Variants in ITGB3BP observed in about 807,000 individuals in gnomAD.
ITGB3BP encodes the protein integrin subunit beta 3 binding protein, also known as centromere protein R.
A neutral mutation model predicts 29.1 loss-of-function variants in ITGB3BP; 27 were observed. The observed-to-expected ratio is 0.93, with a 90% CI of 0.68 to 1.28. ITGB3BP has a LOEUF of 1.28. ITGB3BP is among the 50% of genes most tolerant of loss of function. ITGB3BP has a pLI of 0.00. For missense variants in ITGB3BP, 192 were observed against 200.2 expected, an observed-to-expected ratio of 0.96 and a Z score of 0.25; for synonymous variants, 61 against 61.4, an observed-to-expected ratio of 0.99 and a Z score of 0.03.
intron 1 of ITGB3BP, among the ~76,000 whole-genome samples, chr1:63,516,342 C>A (rs12130694): frequency 3.5e-4 from 18 of 51,900 alleles, no homozygotes; most frequent in Non-Finnish European, 4.2e-4. Flanking sequence ...GGAAGGGAAG[C>A]GGAGCGGGGG....
At chr1:63,521,879 C>G (rs1479371219) in intron 1 of ITGB3BP, among the ~76,000 whole-genome samples, 1 of 152,180 alleles carries the variant, frequency 6.6e-6, no homozygotes, top group Non-Finnish European at 1.5e-5. Context: ...ACTTGTTTGG[C>G]AAATACACCT....
chr1:63,448,542 T>C (rs1644820623), intron 7 of ITGB3BP, among the ~76,000 whole-genome samples: 1 of 152,078 alleles, frequency 6.6e-6, no homozygotes, highest in Non-Finnish European at 1.5e-5. Context: ...TAACTAGTTA[T>C]ATAATACTAT....
intron 4 of ITGB3BP, among the ~76,000 whole-genome samples, chr1:63,473,882 C>G (rs1351207816): frequency 8.2e-4 from 21 of 25,666 alleles, no homozygotes; most frequent in Non-Finnish European, 1.1e-3. Context: ...GAAGTGAGGA[C>G]CCCTCTGCCC....
At chr1:63,471,251 G>A (rs376841945) in intron 4 of ITGB3BP, among the ~76,000 whole-genome samples, 13 of 148,142 alleles carry the variant, frequency 8.8e-5, no homozygotes, top group African/African-American at 3.2e-4. Context: ...CCAAGGTCCA[G>A]TCCTCTAAAA....
upstream of ITGB3BP, among the ~76,000 whole-genome samples, chr1:63,525,332 T>A (rs550455467): frequency 7.0e-4 from 107 of 152,284 alleles, no homozygotes; most frequent in African/African-American, 2.5e-3. Context: ...TATCTAAAAT[T>A]AGAAATTAAC....
chr1:63,445,595 TAAGAA>T (rs1439528939), intron 8 of ITGB3BP, among the ~76,000 whole-genome samples: 7 of 151,594 alleles, frequency 4.6e-5, no homozygotes, highest in Non-Finnish European at 1.0e-4. Flanking sequence ...CCTGGTAAGC[TAAGAA>T]TTCTTTTTTT....
intron 3 of ITGB3BP, among the ~76,000 whole-genome samples, chr1:63,486,947 C>T (rs1645542445): frequency 6.6e-6 from 1 of 152,044 alleles, no homozygotes; most frequent in South Asian, 2.1e-4. Flanking sequence ...GAAATTATTA[C>T]AGTAGCACAG....
chr1:63,470,346 G>T (rs1286366240), intron 4 of ITGB3BP, among the ~76,000 whole-genome samples: 2 of 152,136 alleles, frequency 1.3e-5, no homozygotes, highest in Non-Finnish European at 2.9e-5. Context: ...TATTAGTATA[G>T]AAATAAAAGA....
intron 4 of ITGB3BP, among the ~76,000 whole-genome samples, chr1:63,465,970 G>T (rs906807810): frequency 6.6e-6 from 1 of 152,096 alleles, no homozygotes; most frequent in African/African-American, 2.4e-5. Context: ...AGAGTGGACA[G>T]AGTGGGCTGA....
intron 2 of ITGB3BP, among the ~76,000 whole-genome samples, chr1:63,502,993 T>C (rs1645977501): frequency 6.6e-6 from 1 of 152,220 alleles, no homozygotes; most frequent in Non-Finnish European, 1.5e-5. Context: ...TGTGTCTTTA[T>C]AGCAGCATGA....
Position 63,480,515 on chromosome 1 carries a change from A to C in ITGB3BP, c.185-1682T>G, listed in dbSNP as rs548195191. On this transcript the variant is annotated intron_variant, in intron 3 of 8. Coordinates refer to ENST00000271002, the MANE Select transcript of ITGB3BP (RefSeq NM_014288.5). The stretch of plus-strand genomic sequence containing the variant: ...GAACAAGCAAATGAATGAATAACCC[A>C]AACTGTTCACCACTAATGAAAAACA... Among the ~76,000 whole-genome samples the C allele has an allele frequency of 2.0e-5, 3 of 152,238 alleles. No homozygotes were observed. In the South Asian group the frequency reaches 6.2e-4, roughly 32 times the overall value.
intron 3 of ITGB3BP, among the ~76,000 whole-genome samples, chr1:63,486,204 T>G (rs1645526425): frequency 6.6e-6 from 1 of 152,112 alleles, no homozygotes; most frequent in Non-Finnish European, 1.5e-5. Context: ...TCTTCGACTA[T>G]GCAAATTTGT....
upstream of ITGB3BP, chr1:63,523,479 GT>G: frequency 2.6e-6 from 1 of 385,312 alleles, no homozygotes; most frequent in South Asian, 2.7e-5. Flanking sequence ...TAGCCGGATC[GT>G]TTGGAGAAGG....
chr1:63,456,307 T>C (rs577545689), intron 4 of ITGB3BP, among the ~76,000 whole-genome samples: 24 of 152,126 alleles, frequency 1.6e-4, no homozygotes, highest in Admixed American at 2.0e-4. Context: ...AAGCTAAAAA[T>C]TATGAGGACA....
At chr1:63,457,632 T>C (rs1644954105) in intron 4 of ITGB3BP, 1 of 152,208 alleles carries the variant, frequency 6.6e-6, no homozygotes, top group South Asian at 2.1e-4. Flanking sequence ...TCTTTCAAGT[T>C]GGTGAGTAAA....
At chr1:63,525,310 T>G (rs957440988), upstream of ITGB3BP, among the ~76,000 whole-genome samples, 2 of 152,170 alleles carry the variant, frequency 1.3e-5, no homozygotes, top group Non-Finnish European at 2.9e-5. Flanking sequence ...ATTATATATA[T>G]ACATATGTAT....
intron 2 of ITGB3BP, among the ~76,000 whole-genome samples, chr1:63,497,793 C>T (rs1645826094): frequency 6.6e-6 from 1 of 152,150 alleles, no homozygotes; most frequent in South Asian, 2.1e-4. Context: ...CCCCGTCTTC[C>T]TGAACTGCAG....
chr1:63,449,476 A>T (rs927528574), intron 7 of ITGB3BP: 3 of 152,156 alleles, frequency 2.0e-5, no homozygotes, highest in Non-Finnish European at 4.4e-5. Flanking sequence ...GTAATAAATC[A>T]GTTTATTTTT....
chr1:63,509,619 C>T (rs1011571468), intron 1 of ITGB3BP, among the ~76,000 whole-genome samples: 2 of 152,084 alleles, frequency 1.3e-5, no homozygotes, highest in African/African-American at 2.4e-5. Context: ...AGTAAATATA[C>T]AGTACAGAAA....
Sources: allele counts gnomAD v4.1 joint callset (sites outside exome capture counted in the v4.1 genomes callset), GRCh38; gene constraint gnomAD v4.1.1; transcripts MANE v1.5; gene names NCBI Gene and HGNC (gene_info 2026-07-23, HGNC 2026-07-21).